SLC25A48: variants seen among roughly 807,000 people sequenced by gnomAD.
SLC25A48 encodes solute carrier family 25 member 48.
SLC25A48 carries 29 observed loss-of-function variants against 32.2 expected under a neutral mutation model. The ratio of observed to expected loss-of-function variants is 0.90; its 90% CI spans 0.67 to 1.23. The LOEUF is 1.23. Ranked by LOEUF, SLC25A48 falls within the 50% of genes most tolerant of loss-of-function variation. SLC25A48 has a pLI of 0.00. For missense variants in SLC25A48, 399 were observed against 422.7 expected (o/e 0.94, Z 0.49); for synonymous variants, 164 against 172.3 (o/e 0.95, Z 0.38).
chr5:135,661,957 G>T (rs1452091388), intron 3 of SLC25A48, among the ~76,000 whole-genome samples: 1 of 152,136 alleles, frequency 6.6e-6, no homozygotes, highest in East Asian at 1.9e-4. Context: ...AAGAATAGGT[G>T]CCTGAGAGTG....
intron 3 of SLC25A48, among the ~76,000 whole-genome samples, chr5:135,809,840 CCTT>C (rs1757554006): frequency 6.6e-6 from 1 of 152,122 alleles, no homozygotes; most frequent in African/African-American, 2.4e-5. Context: ...TACCAATGGA[CCTT>C]CTTTTTTCTT....
chr5:135,860,156 G>C (rs1464672019), intron 4 of SLC25A48, among the ~76,000 whole-genome samples: 1 of 152,184 alleles, frequency 6.6e-6, no homozygotes, highest in Non-Finnish European at 1.5e-5. Flanking sequence ...TCAAAAGGGG[G>C]ATTGGCTAGA....
At chr5:135,691,818 T>A (rs2126958676) in intron 3 of SLC25A48, among the ~76,000 whole-genome samples, 1 of 152,246 alleles carries the variant, frequency 6.6e-6, no homozygotes, top group South Asian at 2.1e-4. Context: ...ATTAGGTAGA[T>A]GAGTGCTGAG....
upstream of SLC25A48, among the ~76,000 whole-genome samples, chr5:135,834,080 C>G (rs1415431245): frequency 6.6e-6 from 1 of 152,170 alleles, no homozygotes; most frequent in Non-Finnish European, 1.5e-5. Flanking sequence ...AAAGCCTCTC[C>G]GCACAGCAGG....
Position 135,865,242 on chromosome 5 carries a change from G to A in SLC25A48, c.422-6219G>A, listed in dbSNP as rs1048124010. On this transcript the variant is annotated intron_variant, in intron 4 of 7. Coordinates refer to ENST00000681962, the MANE Select transcript of SLC25A48 (RefSeq NM_001349336.2). ...CAAATCCAGGGCTCTTTCTATGAAA[G>A]CATCTGCCTATCTTGGGCCTCTCAC... 6.6e-5 allele frequency among the ~76,000 whole-genome samples: 10 copies of A among 152,154 alleles called. No individual in the cohort carries two copies. In the South Asian group the frequency reaches 1.0e-3, roughly 16 times the overall value.
At chr5:135,854,793 T>C (rs556594916) in intron 4 of SLC25A48, among the ~76,000 whole-genome samples, 2 of 152,262 alleles carry the variant, frequency 1.3e-5, no homozygotes, top group Admixed American at 6.5e-5. Flanking sequence ...TGGCTAACTC[T>C]TGGGCAAAAG....
upstream of SLC25A48, among the ~76,000 whole-genome samples, chr5:135,830,038 C>T (rs1758163106): frequency 6.6e-6 from 1 of 152,180 alleles, no homozygotes; most frequent in Non-Finnish European, 1.5e-5. Context: ...CGCCTCCCAT[C>T]CAAGCACACA....
rs142398588 is a variant in SLC25A48 at position 135,875,015 on chromosome 5, G to A, written c.813+861G>A. 551 of 352,852 alleles carry A rather than the reference G, an allele frequency of 1.6e-3. 3 individuals are homozygous for A. The highest frequency in any genetic ancestry group is 9.8e-3 in the African/African-American group (465 of 47,498). 21.9% of individuals were successfully genotyped at this position (352,852 alleles called of 1,614,324 possible). On this transcript the variant is annotated intron_variant, in intron 6 of 7. Coordinates refer to ENST00000681962, the MANE Select transcript of SLC25A48 (RefSeq NM_001349336.2). ...AATGATCATCCCTTCCATGAAGGGCGGGGCATTTGTGGGTTAATACAAAAA... is the reference window on the plus strand; with the variant it reads ...AATGATCATCCCTTCCATGAAGGGCAGGGCATTTGTGGGTTAATACAAAAA...
rs191639080 is a variant in SLC25A48, at chr5:135,589,548, G to A, written c.-849+9951G>A. Among the ~76,000 whole-genome samples the A allele has an allele frequency of 7.9e-4, 121 of 152,278 alleles. 1 individual carries two copies. Among genetic ancestry groups the A allele is most frequent in the Non-Finnish European group, 1.2e-4 (8 of 68,028 alleles). On this transcript the variant is annotated intron_variant, in intron 1 of 10. Coordinates refer to the SLC25A48 transcript ENST00000646290. ...TCTAGTAACTATTGGTAACATTTAC[G>A]GGCCTCTGTGTCTTGCTGAGTGTGC...
intron 3 of SLC25A48, among the ~76,000 whole-genome samples, chr5:135,785,273 T>C (rs1195368050): frequency 6.6e-6 from 1 of 151,992 alleles, no homozygotes; most frequent in Non-Finnish European, 1.5e-5. Context: ...TTATTCCCCA[T>C]GGAACGGGGG....
chr5:135,805,013 G>T (rs1415578498), intron 3 of SLC25A48, among the ~76,000 whole-genome samples: 3 of 151,284 alleles, frequency 2.0e-5, no homozygotes, highest in Non-Finnish European at 3.0e-5. Context: ...CACAGTTAGT[G>T]TGCACCCTGA....
chr5:135,881,636 C>G (rs25896), intron 7 of SLC25A48, among the ~76,000 whole-genome samples: 27,447 of 152,200 alleles, frequency 0.18, 2,932 homozygotes, highest in African/African-American at 0.3. Context: ...AAGCTGTGCT[C>G]AGATATTGGC....
chr5:135,742,427 A>G (rs13159752), intron 3 of SLC25A48: 408,293 of 1,448,790 alleles, frequency 0.28, 59,330 homozygotes, highest in East Asian at 0.43. Flanking sequence ...GATAGAATGA[A>G]CATCTCCCAG....
intron 4 of SLC25A48, among the ~76,000 whole-genome samples, chr5:135,864,540 GC>G (rs1020988585): frequency 6.6e-6 from 1 of 152,186 alleles, no homozygotes; most frequent in Admixed American, 6.5e-5. Context: ...GGCCTGTATA[GC>G]CTGGGCCTTC....
chr5:135,869,530 G>A (rs1435117803), intron 4 of SLC25A48, among the ~76,000 whole-genome samples: 1 of 152,160 alleles, frequency 6.6e-6, no homozygotes, highest in Admixed American at 6.5e-5. Flanking sequence ...CCCTCAGTCA[G>A]TAACTCCTGA....
intron 3 of SLC25A48, among the ~76,000 whole-genome samples, chr5:135,777,458 TC>T (rs542770917): frequency 1.3e-5 from 2 of 151,058 alleles, no homozygotes; most frequent in African/African-American, 4.9e-5. Flanking sequence ...TAAGTGTACA[TC>T]CCCCCTGTGA....
intron 3 of SLC25A48, among the ~76,000 whole-genome samples, chr5:135,685,535 C>CA (rs1399716320): frequency 6.6e-6 from 1 of 150,472 alleles, no homozygotes; most frequent in Non-Finnish European, 1.5e-5. Context: ...CGGGTTCAAG[C>CA]AATTCTCATA....
intron 1 of SLC25A48, among the ~76,000 whole-genome samples, chr5:135,837,381 C>T (rs1414145241): frequency 6.6e-6 from 1 of 152,116 alleles, no homozygotes; most frequent in Non-Finnish European, 1.5e-5. Context: ...TTCCAGGAGC[C>T]CTTAGCTACC....
chr5:135,632,611 T>TA (rs994973379), intron 2 of SLC25A48, among the ~76,000 whole-genome samples: 39 of 152,258 alleles, frequency 2.6e-4, no homozygotes, highest in African/African-American at 4.6e-4. Context: ...TTCTCTATTG[T>TA]AAAAAACAGA....
Sources: allele counts gnomAD v4.1 joint callset (sites outside exome capture counted in the v4.1 genomes callset), GRCh38; gene constraint gnomAD v4.1.1; transcripts MANE v1.5; gene names NCBI Gene and HGNC (gene_info 2026-07-23, HGNC 2026-07-21).